The following PHF11 variants were observed in gnomAD, a reference collection of about 807,000 sequenced individuals.
PHF11 encodes PHD finger protein 11, also known as BRCA1 C-terminus-associated protein.
A neutral mutation model predicts 40.5 loss-of-function variants in PHF11; 38 were observed. The ratio of observed to expected loss-of-function variants is 0.94; its 90% CI spans 0.72 to 1.23. PHF11 has a LOEUF of 1.23. PHF11 is among the 50% of genes most tolerant of loss of function. PHF11 has a pLI of 0.00. For synonymous variants in PHF11, 127 were observed against 138.2 expected (o/e 0.92, Z 0.57); for missense variants, 369 against 392.4 (o/e 0.94, Z 0.50).
At chr13:49,507,070 AT>A (rs376282711) in intron 2 of PHF11, among the ~76,000 whole-genome samples, 1 of 151,178 alleles carries the variant, frequency 6.6e-6, no homozygotes, top group African/African-American at 2.4e-5. Flanking sequence ...TGCCAGGCTA[AT>A]TTTTTTTGTA....
intron 3 of PHF11, among the ~76,000 whole-genome samples, chr13:49,513,551 G>A (rs1594212053): frequency 6.6e-6 from 1 of 151,944 alleles, no homozygotes; most frequent in Non-Finnish European, 1.5e-5. Context: ...GGCTGGTCGC[G>A]AACTCCTGAC....
Position 49,495,985 on chromosome 13 carries a change from G to T in PHF11, c.-17G>T. The T allele has an allele frequency of 6.7e-7, 1 of 1,486,612 alleles. No individual in the cohort carries two copies. Among genetic ancestry groups the T allele is most frequent in the Non-Finnish European group, 8.9e-7 (1 of 1,118,116 alleles). The allele number at this position is 1,486,612 out of a possible 1,614,324, so 92.1% of individuals were successfully genotyped here. A position where few individuals can be genotyped will look rare whatever the true frequency, so the allele number is the denominator to read the frequency against. On this transcript the variant is annotated 5_prime_UTR_variant, in exon 1 of 10. Coordinates refer to ENST00000378319, the MANE Select transcript of PHF11 (RefSeq NM_001040443.3). Reference sequence around the variant, plus strand: ...GGATCTCGCTATCCGGCCGCCACCCGCAGCTGCAGCACAGTCATGGCCCAG... The same window carrying T: ...GGATCTCGCTATCCGGCCGCCACCCTCAGCTGCAGCACAGTCATGGCCCAG...
At chr13:49,505,058 C>A (rs965594749) in intron 1 of PHF11, among the ~76,000 whole-genome samples, 2 of 149,406 alleles carry the variant, frequency 1.3e-5, no homozygotes, top group Admixed American at 6.8e-5. Flanking sequence ...ATCTCAAGTA[C>A]CCAGGGACAC....
intron 1 of PHF11, among the ~76,000 whole-genome samples, chr13:49,497,675 C>T (rs534490665): frequency 5.3e-5 from 8 of 152,202 alleles, no homozygotes; most frequent in Non-Finnish European, 7.3e-5. Context: ...AAATGTGATT[C>T]TCCTACTCAA....
At chr13:49,499,138 G>T (rs1289385744) in intron 1 of PHF11, among the ~76,000 whole-genome samples, 3 of 152,114 alleles carry the variant, frequency 2.0e-5, no homozygotes, top group East Asian at 3.9e-4. Context: ...CTCTTTCTCT[G>T]GTCCAGTTTT....
rs75424006 is a variant in PHF11 at position 49,513,896 on chromosome 13, G to A, written c.324+730G>A. On this transcript the variant is annotated intron_variant, in intron 3 of 9. Transcript: ENST00000378319. ...GTCCCATTGTGGTCATAGGGTGGCC[G>A]CAGGCAGCAACTGAAGCATCAGGCT... Among the ~76,000 whole-genome samples the A allele has an allele frequency of 6.1e-3, 922 of 152,272 alleles. 11 individuals carry two copies. Among genetic ancestry groups the A allele is most frequent in the African/African-American group, 0.02 (849 of 41,556 alleles).
At chr13:49,496,529 C>A in intron 1 of PHF11, 2 of 829,516 alleles carry the variant, frequency 2.4e-6, no homozygotes, top group Non-Finnish European at 2.9e-6. Flanking sequence ...CTCACGTTCA[C>A]GGAGGACGTG....
rs111919586 is a variant in PHF11, at chr13:49,501,076, C to A, written c.94+4981C>A. ...TCGCCTAGGCTGGAGTGCAATGGTG[C>A]GATCTCGGCTCACCGCAACCTCCAC... On this transcript the variant is annotated intron_variant, in intron 1 of 9. Transcript: ENST00000378319. Among the ~76,000 whole-genome samples the A allele has an allele frequency of 2.3e-3, 306 of 135,902 alleles. 2 individuals are homozygous for A. The highest frequency in any genetic ancestry group is 3.3e-3 in the Non-Finnish European group (219 of 65,942). 89.2% of individuals were successfully genotyped at this position (135,902 alleles called of 152,430 possible).
At chr13:49,521,114 A>C in intron 5 of PHF11, 174 bp downstream of exon 5, 1 of 1,302,016 alleles carries the variant, frequency 7.7e-7, no homozygotes, top group Non-Finnish European at 9.7e-7. Context: ...ATGACTGACT[A>C]ATTTTTTCTT....
intron 5 of PHF11, 131 bp from the exon 6 acceptor site, chr13:49,521,908 GCAAA>G (rs1224725572): frequency 2.0e-6 from 1 of 505,802 alleles, no homozygotes; most frequent in Non-Finnish European, 3.6e-6. Context: ...CATAAGTGCT[GCAAA>G]CACTTAGTTG....
chr13:49,500,553 A>C (rs1393676232), intron 1 of PHF11, among the ~76,000 whole-genome samples: 3 of 152,210 alleles, frequency 2.0e-5, no homozygotes, highest in African/African-American at 7.2e-5. Context: ...CTCCAACTGC[A>C]GAGAATTACA....
chr13:49,528,729 G>A lies in PHF11; in HGVS notation c.*64G>A, dbSNP rs1959420850. ...CAATCAGGCTCAAAACCAGAGACCA[G>A]GCTGTGAAATCCACACATCTTTAGA... On this transcript the variant is annotated 3_prime_UTR_variant, in exon 10 of 10. Transcript: ENST00000378319. 2 of 1,225,080 alleles carry A rather than the reference G, an allele frequency of 1.6e-6. No homozygotes were observed. Among genetic ancestry groups the A allele is most frequent in the Non-Finnish European group, 2.3e-6 (2 of 864,554 alleles). 75.9% of individuals were successfully genotyped at this position (1,225,080 alleles called of 1,614,324 possible).
intron 3 of PHF11, among the ~76,000 whole-genome samples, chr13:49,513,437 TCTCCTGCC>T (rs1163487271): frequency 3.3e-5 from 5 of 151,760 alleles, no homozygotes; most frequent in African/African-American, 1.2e-4. Flanking sequence ...TTCAAGCGAT[TCTCCTGCC>T]TCAGCCTCCC....
intron 2 of PHF11, among the ~76,000 whole-genome samples, chr13:49,507,757 T>C (rs1322767850): frequency 6.6e-6 from 1 of 152,196 alleles, no homozygotes; most frequent in African/African-American, 2.4e-5. Flanking sequence ...TTGAATACTG[T>C]ATAGAAAGTG....
At chr13:49,496,818 G>T (rs1958818441) in intron 1 of PHF11, among the ~76,000 whole-genome samples, 1 of 146,768 alleles carries the variant, frequency 6.8e-6, no homozygotes, top group Non-Finnish European at 1.5e-5. Context: ...GGAGAGGATG[G>T]CTGGGCTTAC....
rs895129687 is a variant in PHF11, at chr13:49,496,144, C to G, written c.94+49C>G. On this transcript the variant is annotated intron_variant, in intron 1 of 9. Transcript: ENST00000378319. ...GCGGGCGGGCGGGGCTGGGCAGCGA[C>G]GGGCCCGGTCAAGGGGCCTGCCTTC... 124 of 1,071,992 alleles carry G rather than the reference C, an allele frequency of 1.2e-4. 1 individual carries two copies. Among genetic ancestry groups the G allele is most frequent in the Middle Eastern group, 1.0e-3 (3 of 2,874 alleles). The allele number at this position is 1,071,992 out of a possible 1,614,324, so 66.4% of individuals were successfully genotyped here.
chr13:49,501,909 T>G (rs1456438060), intron 1 of PHF11, among the ~76,000 whole-genome samples: 1 of 152,082 alleles, frequency 6.6e-6, no homozygotes, highest in African/African-American at 2.4e-5. Flanking sequence ...CAGGCTGGTC[T>G]CGAACTCCTG....
intron 1 of PHF11, among the ~76,000 whole-genome samples, chr13:49,501,017 G>GTTT (rs1491587127): frequency 0.027 from 2,899 of 108,646 alleles, 455 homozygotes; most frequent in African/African-American, 0.046. Flanking sequence ...TTTTTTTTTG[G>GTTT]TTTTTTTTTT....
In PHF11 at chr13:49,528,869, G is replaced by C. The variant is rs1959429047; in HGVS notation, c.*204G>C. 1 of 472,942 alleles carries C rather than the reference G, an allele frequency of 2.1e-6. No homozygotes were observed. The highest frequency in any genetic ancestry group is 3.7e-6 in the Non-Finnish European group (1 of 268,404). 29.3% of individuals were successfully genotyped at this position (472,942 alleles called of 1,614,324 possible). On this transcript the variant is annotated 3_prime_UTR_variant, in exon 10 of 10. Coordinates refer to ENST00000378319, the MANE Select transcript of PHF11 (RefSeq NM_001040443.3). ...CTCACTGTCACATTCCCAGCACCTA[G>C]TATGCTCAGTAAATGTTTGTGGAAT... is the stretch of plus-strand genomic sequence containing the variant.
Sources: allele counts gnomAD v4.1 joint callset (sites outside exome capture counted in the v4.1 genomes callset), GRCh38; gene constraint gnomAD v4.1.1; transcripts MANE v1.5; gene names NCBI Gene and HGNC (gene_info 2026-07-23, HGNC 2026-07-21).